Variants in GPR141 observed in about 807,000 individuals in gnomAD.
The protein encoded by GPR141 is probable G protein-coupled receptor 141.
Under a neutral mutation model 6.8 loss-of-function variants are expected in GPR141, and 6 were observed. That is an observed-to-expected ratio of 0.88 (90% CI 0.48 to 1.74). The LOEUF is 1.74. GPR141 is among the 40% of genes most tolerant of loss of function. The probability of loss-of-function intolerance (pLI) is 0.01; values close to 1 mark genes in which losing one functional copy is unlikely to be tolerated. For missense variants in GPR141, 372 were observed against 372.9 expected, an observed-to-expected ratio of 1.00 and a Z score of 0.02; for synonymous variants, 140 against 142.3, an observed-to-expected ratio of 0.98 and a Z score of 0.11.
chr7:37,734,773 A>G (rs562490843), intron 2 of GPR141, among the ~76,000 whole-genome samples: 2 of 152,340 alleles, frequency 1.3e-5, no homozygotes, highest in East Asian at 3.9e-4. Flanking sequence ...AGTAGACTTA[A>G]GACCTGAAGG....
intron 2 of GPR141, among the ~76,000 whole-genome samples, chr7:37,727,599 A>G (rs574436728): frequency 6.6e-6 from 1 of 152,226 alleles, no homozygotes; most frequent in East Asian, 1.9e-4. Flanking sequence ...GCTCTCCTAA[A>G]ATATCCAGTG....
Position 37,742,360 on chromosome 7 carries a change from A to G in GPR141, c.*1049A>G, listed in dbSNP as rs1161478819. Reference sequence around the variant, plus strand: ...GTTTGCGGCACCTGTCAACCCATCTACATTAGGTATTTCTCCTAATGCTCT... The same window carrying G: ...GTTTGCGGCACCTGTCAACCCATCTGCATTAGGTATTTCTCCTAATGCTCT... On this transcript the variant is annotated 3_prime_UTR_variant, in exon 3 of 3. Transcript: ENST00000334425. Among the ~76,000 whole-genome samples the G allele has an allele frequency of 6.6e-6, 1 of 151,948 alleles. No individual in the cohort carries two copies.
At chr7:37,730,979 A>G (rs912302642) in intron 2 of GPR141, among the ~76,000 whole-genome samples, 4 of 152,236 alleles carry the variant, frequency 2.6e-5, no homozygotes, top group African/African-American at 9.6e-5. Flanking sequence ...CACATAAATT[A>G]ATAGACTAGG....
intron 2 of GPR141, among the ~76,000 whole-genome samples, chr7:37,709,551 T>C (rs1810693093): frequency 6.6e-6 from 1 of 152,226 alleles, no homozygotes. Context: ...AAGTGACTTT[T>C]AGAAAGTAGT....
intron 2 of GPR141, among the ~76,000 whole-genome samples, chr7:37,707,411 A>T (rs1029024945): frequency 6.6e-6 from 1 of 152,014 alleles, no homozygotes; most frequent in Non-Finnish European, 1.5e-5. Context: ...CATTTTTATG[A>T]CTCTAGTTGT....
chr7:37,692,472 T>C (rs1185727326), intron 2 of GPR141, among the ~76,000 whole-genome samples: 1 of 152,226 alleles, frequency 6.6e-6, no homozygotes, highest in African/African-American at 2.4e-5. Flanking sequence ...TACATGTGTC[T>C]TTATAGTAGA....
chr7:37,739,066 T>G (rs1477719216), intron 2 of GPR141, among the ~76,000 whole-genome samples: 2 of 152,158 alleles, frequency 1.3e-5, no homozygotes, highest in African/African-American at 2.4e-5. Context: ...TTTTCACACC[T>G]CAAAATGTTT....
intron 2 of GPR141, among the ~76,000 whole-genome samples, chr7:37,734,705 T>G (rs1812148107): frequency 6.6e-6 from 1 of 152,210 alleles, no homozygotes; most frequent in South Asian, 2.1e-4. Flanking sequence ...GAAAGAGATC[T>G]TACCAAGTAG....
chr7:37,690,963 A>G (rs1372892577), intron 2 of GPR141, among the ~76,000 whole-genome samples: 1 of 152,164 alleles, frequency 6.6e-6, no homozygotes, highest in Non-Finnish European at 1.5e-5. Context: ...TTTAGATTCA[A>G]TTACATTTGT....
intron 2 of GPR141, among the ~76,000 whole-genome samples, chr7:37,696,982 T>C (rs1264902545): frequency 6.6e-6 from 1 of 152,074 alleles, no homozygotes; most frequent in African/African-American, 2.4e-5. Context: ...ATACCATAGA[T>C]AGATAGAGAG....
intron 2 of GPR141, chr7:37,709,602 C>T (rs573782672): frequency 6.6e-6 from 1 of 152,292 alleles, no homozygotes; most frequent in East Asian, 1.9e-4. Flanking sequence ...CTTGCCTTGC[C>T]AGCATTGAAG....
At chr7:37,718,802 G>A (rs536359780) in intron 2 of GPR141, among the ~76,000 whole-genome samples, 1 of 152,326 alleles carries the variant, frequency 6.6e-6, no homozygotes, top group Admixed American at 6.5e-5. Context: ...GGGTGATAGA[G>A]CCTATGTAGA....
intron 2 of GPR141, among the ~76,000 whole-genome samples, chr7:37,703,934 T>C (rs1436741223): frequency 6.6e-6 from 1 of 152,170 alleles, no homozygotes; most frequent in Non-Finnish European, 1.5e-5. Flanking sequence ...AAAATGCCTA[T>C]ACATTTTAAA....
chr7:37,741,002 CATTA>C lies in GPR141; in HGVS notation c.610_613del (p.Ile204CysfsTer2). On this transcript the variant is annotated frameshift_variant, in exon 3 of 3. Coordinates refer to ENST00000334425, the MANE Select transcript of GPR141 (RefSeq NM_001381946.1). LOFTEE classifies it high-confidence loss of function. ...TTCTGTTGGTCTTCCAGGTCTTCAT[CATTA>C]TGTTGATGGTGCAGAAGCTACGCCA... The C allele has an allele frequency of 6.2e-7, 1 of 1,614,078 alleles. No homozygotes were observed. The highest frequency in any genetic ancestry group is 8.5e-7 in the Non-Finnish European group (1 of 1,179,968).
chr7:37,740,325 A>G, intron 2 of GPR141, 55 bp from the exon 3 acceptor site: 1 of 1,109,006 alleles, frequency 9.0e-7, no homozygotes, highest in Admixed American at 2.2e-5. Flanking sequence ...TGTAAAAGAG[A>G]TAGGAACAAA....
chr7:37,705,003 C>T (rs1410654734), intron 2 of GPR141, among the ~76,000 whole-genome samples: 2 of 152,114 alleles, frequency 1.3e-5, no homozygotes, highest in South Asian at 4.1e-4. Context: ...TGCTCAGTGA[C>T]AAGCCCAATA....
intron 2 of GPR141, among the ~76,000 whole-genome samples, chr7:37,735,169 T>C (rs1812171669): frequency 6.6e-6 from 1 of 151,064 alleles, no homozygotes; most frequent in South Asian, 2.1e-4. Flanking sequence ...TAAAGTAAAA[T>C]ACAGAAGTTA....
chr7:37,703,473 C>G (rs1810385308), intron 2 of GPR141, among the ~76,000 whole-genome samples: 1 of 152,154 alleles, frequency 6.6e-6, no homozygotes, highest in African/African-American at 2.4e-5. Context: ...ACTTGGCTCT[C>G]TTTATCTTCT....
chr7:37,687,867 A>T (rs185475592), intron 2 of GPR141, among the ~76,000 whole-genome samples: 10 of 152,212 alleles, frequency 6.6e-5, no homozygotes, highest in Non-Finnish European at 1.5e-4. Flanking sequence ...TCTCAAACAC[A>T]AGTAAACTTA....
Sources: allele counts gnomAD v4.1 joint callset (sites outside exome capture counted in the v4.1 genomes callset), GRCh38; gene constraint gnomAD v4.1.1; transcripts MANE v1.5; gene names NCBI Gene and HGNC (gene_info 2026-07-23, HGNC 2026-07-21).